The following RBFOX1 variants were observed in gnomAD, a reference collection of about 807,000 sequenced individuals.
RBFOX1 encodes the protein RNA binding protein fox-1 homolog 1.
Under a neutral mutation model 57.7 loss-of-function variants are expected in RBFOX1, and 8 were observed. That is an observed-to-expected ratio of 0.14 (90% CI 0.08 to 0.25). The LOEUF is 0.25. Ranked by LOEUF, RBFOX1 falls within the 10% of genes least tolerant of loss-of-function variation. The pLI is 1.00. For synonymous variants in RBFOX1, 326 were observed against 222.4 expected, an observed-to-expected ratio of 1.47 and a Z score of -4.15; for missense variants, 611 against 548.5, an observed-to-expected ratio of 1.11 and a Z score of -1.14.
At chr16:5,989,843 A>AACACAC (rs199624083) in intron 4 of RBFOX1, among the ~76,000 whole-genome samples, 109 of 20,748 alleles carry the variant, frequency 5.3e-3, no homozygotes, top group Admixed American at 6.7e-3. Context: ...AACACCCCCT[A>AACACAC]ACACACACAC....
At chr16:7,451,472 C>G (rs530482952) in intron 4 of RBFOX1, among the ~76,000 whole-genome samples, 1 of 152,020 alleles carries the variant, frequency 6.6e-6, no homozygotes, top group African/African-American at 2.4e-5. Flanking sequence ...TGCTCGGGAC[C>G]GTAATGCAAG....
chr16:6,491,666 C>T (rs1240822172), intron 2 of RBFOX1, among the ~76,000 whole-genome samples: 1 of 152,210 alleles, frequency 6.6e-6, no homozygotes, highest in Middle Eastern at 3.4e-3. Context: ...TGAATATTTC[C>T]AGCAGCCCTA....
intron 1 of RBFOX1, among the ~76,000 whole-genome samples, chr16:5,275,055 T>G (rs1232194511): frequency 6.6e-6 from 1 of 152,206 alleles, no homozygotes; most frequent in Non-Finnish European, 1.5e-5. Context: ...GCTCTTGCCT[T>G]CTGCTTTTGG....
At chr16:6,918,353 G>T (rs7198874) in intron 3 of RBFOX1, among the ~76,000 whole-genome samples, 2 of 151,604 alleles carry the variant, frequency 1.3e-5, no homozygotes, top group East Asian at 3.9e-4. Flanking sequence ...CACTGGGCTT[G>T]GTGCCATTGT....
chr16:5,856,575 G>GTGTGTGTGTATGTATGTATATGTACATA (rs1192496608), intron 3 of RBFOX1, among the ~76,000 whole-genome samples: 11 of 32,920 alleles, frequency 3.3e-4, no homozygotes, highest in African/African-American at 1.4e-3. Context: ...GTGTGTGTGT[G>GTGTGTGTGTATGTATGTATATGTACATA]TATATATATA....
upstream of RBFOX1, among the ~76,000 whole-genome samples, chr16:6,016,153 T>C (rs2094992284): frequency 6.6e-6 from 1 of 152,208 alleles, no homozygotes; most frequent in South Asian, 2.1e-4. Flanking sequence ...TAAAGACCTT[T>C]TAGTTTAATA....
At chr16:7,250,991 A>T (rs1434013283) in intron 4 of RBFOX1, among the ~76,000 whole-genome samples, 4 of 142,768 alleles carry the variant, frequency 2.8e-5, no homozygotes, top group African/African-American at 8.3e-5. Flanking sequence ...TACGTGTATT[A>T]TCTGATATAC....
At chr16:6,985,830 T>C (rs1455414608) in intron 3 of RBFOX1, among the ~76,000 whole-genome samples, 26 of 14,292 alleles carry the variant, frequency 1.8e-3, no homozygotes, top group Middle Eastern at 0.031. Context: ...CGTGAGTTCA[T>C]GTAAAAAAAA....
Position 5,766,394 on chromosome 16 carries a change from G to C in RBFOX1, c.319-100909G>C, listed in dbSNP as rs77751700. The stretch of plus-strand genomic sequence containing the variant: ...AAGGTCAGGAGATCAAGACCATCCT[G>C]GCCAACATGACGAAACCTCGTCTCT... On this transcript the variant is annotated intron_variant, in intron 3 of 19. Transcript: ENST00000641259. Among the ~76,000 whole-genome samples, 709 of 152,242 alleles carry C rather than the reference G, an allele frequency of 4.7e-3. 6 individuals carry two copies. The highest frequency in any genetic ancestry group is 0.016 in the African/African-American group (651 of 41,538).
chr16:7,195,677 C>T (rs927992580), intron 4 of RBFOX1, among the ~76,000 whole-genome samples: 11 of 152,126 alleles, frequency 7.2e-5, no homozygotes, highest in Non-Finnish European at 5.9e-5. Context: ...CTCAGCCTCC[C>T]GAGTAGCTGG....
chr16:6,385,787 G>C (rs1336421514), intron 2 of RBFOX1, among the ~76,000 whole-genome samples: 1 of 151,340 alleles, frequency 6.6e-6, no homozygotes, highest in African/African-American at 2.4e-5. Context: ...AGCTAAGCAA[G>C]TTATTCCCTT....
intron 2 of RBFOX1, among the ~76,000 whole-genome samples, chr16:6,653,756 A>G (rs2098620715): frequency 6.6e-6 from 1 of 150,676 alleles, no homozygotes; most frequent in Admixed American, 6.6e-5. Context: ...ATGGGTGGGT[A>G]GATGAATGGG....
chr16:7,587,019 C>T (rs570879104), intron 6 of RBFOX1, among the ~76,000 whole-genome samples: 167 of 152,246 alleles, frequency 1.1e-3, no homozygotes, highest in African/African-American at 3.9e-3. Context: ...TAGAATTAAC[C>T]TCTTGATTAA....
intron 3 of RBFOX1, among the ~76,000 whole-genome samples, chr16:6,817,861 G>A (rs1220490701): frequency 1.3e-5 from 2 of 152,146 alleles, no homozygotes; most frequent in East Asian, 3.9e-4. Flanking sequence ...ATATCAGACA[G>A]GAGATCCCAA....
chr16:7,179,489 A>G (rs995238281), intron 4 of RBFOX1, among the ~76,000 whole-genome samples: 11 of 152,078 alleles, frequency 7.2e-5, no homozygotes, highest in African/African-American at 2.7e-4. Flanking sequence ...CTGTGAGAGG[A>G]TTTGCCAGGC....
chr16:5,798,788 G>C (rs1211410379), intron 3 of RBFOX1, among the ~76,000 whole-genome samples: 1 of 152,150 alleles, frequency 6.6e-6, no homozygotes, highest in African/African-American at 2.4e-5. Context: ...TATGAACCAG[G>C]GGTCTGAGCT....
chr16:5,850,349 A>G (rs905415060), intron 3 of RBFOX1, among the ~76,000 whole-genome samples: 1 of 152,244 alleles, frequency 6.6e-6, no homozygotes, highest in Non-Finnish European at 1.5e-5. Context: ...TGTGGCACTT[A>G]GTAAGAACAT....
At chr16:6,713,553 A>T (rs1237145077) in intron 3 of RBFOX1, among the ~76,000 whole-genome samples, 2 of 152,032 alleles carry the variant, frequency 1.3e-5, no homozygotes, top group Non-Finnish European at 2.9e-5. Context: ...CCCAGTTGAG[A>T]CAACCACAAA....
intron 2 of RBFOX1, among the ~76,000 whole-genome samples, chr16:5,497,184 C>T (rs941052819): frequency 2.5e-4 from 38 of 152,064 alleles, no homozygotes; most frequent in African/African-American, 8.2e-4. Flanking sequence ...CAGCTTTCAC[C>T]GGGGTTGGTG....
Sources: gnomAD v4.1 joint callset for allele counts (sites outside exome capture counted in the v4.1 genomes callset) on GRCh38, gnomAD v4.1.1 for gene constraint, MANE v1.5 for transcripts, NCBI Gene and HGNC (gene_info 2026-07-23, HGNC 2026-07-21) for gene names.